The following ALK variants were observed in gnomAD, a reference collection of about 807,000 sequenced individuals.
ALK encodes the protein ALK receptor tyrosine kinase, also known as ALK tyrosine kinase receptor.
A neutral mutation model predicts 163.1 loss-of-function variants in ALK; 74 were observed. That is an observed-to-expected ratio of 0.45 (90% confidence interval 0.38 to 0.55). The LOEUF is 0.55. Among genes scored for constraint, ALK ranks in the 20% least tolerant of loss-of-function variants. The pLI is 0.00. For missense variants in ALK, 2,063 were observed against 2,105.3 expected, an observed-to-expected ratio of 0.98 and a Z score of 0.39; for synonymous variants, 960 against 843.2, an observed-to-expected ratio of 1.14 and a Z score of -2.40.
intron 1 of ALK, among the ~76,000 whole-genome samples, chr2:29,836,094 C>T (rs1484045888): frequency 6.6e-6 from 1 of 152,152 alleles, no homozygotes; most frequent in Non-Finnish European, 1.5e-5. Flanking sequence ...CAGCTTCTTC[C>T]CTTCCCCATC....
intron 4 of ALK, among the ~76,000 whole-genome samples, chr2:29,452,119 A>ACT (rs1489091903): frequency 2.6e-5 from 4 of 151,840 alleles, no homozygotes; most frequent in Non-Finnish European, 5.9e-5. Context: ...AAACGTCCCC[A>ACT]CTCTCTACCC....
At chr2:29,648,782 A>G (rs1285640535) in intron 3 of ALK, among the ~76,000 whole-genome samples, 1 of 151,874 alleles carries the variant, frequency 6.6e-6, no homozygotes, top group Non-Finnish European at 1.5e-5. Context: ...ATGTTTTCCT[A>G]TTCTTTGTTT....
At chr2:29,764,988 A>T (rs1680817659) in intron 1 of ALK, among the ~76,000 whole-genome samples, 1 of 152,010 alleles carries the variant, frequency 6.6e-6, no homozygotes, top group Non-Finnish European at 1.5e-5. Context: ...GTGGTTTAGA[A>T]AGGTGGGTGG....
At chr2:29,686,770 T>A (rs1678253425) in intron 3 of ALK, among the ~76,000 whole-genome samples, 1 of 152,168 alleles carries the variant, frequency 6.6e-6, no homozygotes, top group African/African-American at 2.4e-5. Flanking sequence ...CCTGTCCTGA[T>A]GGGGAGGTGA....
At chr2:29,558,362 T>G (rs974427302) in intron 3 of ALK, among the ~76,000 whole-genome samples, 1 of 152,208 alleles carries the variant, frequency 6.6e-6, no homozygotes, top group African/African-American at 2.4e-5. Flanking sequence ...TGGAGCTTTG[T>G]GGCTTTTTGT....
At position 29,450,102 on chromosome 2, in the gene ALK, TC is replaced by T. The variant is rs141871022; in HGVS notation, c.1155-66244del. ...CCTGCTCCCTCCTTGACAGTAGGGC[TC>T]CTGTGACCGCAGGGAAAGAACATCA... On this transcript the variant is annotated intron_variant, in intron 4 of 28. Coordinates refer to ENST00000389048, the MANE Select transcript of ALK (RefSeq NM_004304.5). Among the ~76,000 whole-genome samples, 1,169 of 152,270 alleles carry T rather than the reference TC, an allele frequency of 7.7e-3. 12 individuals carry two copies. The highest frequency in any genetic ancestry group is 0.027 in the African/African-American group (1,107 of 41,554).
At chr2:29,785,173 A>G (rs1663975739) in intron 1 of ALK, among the ~76,000 whole-genome samples, 2 of 152,056 alleles carry the variant, frequency 1.3e-5, no homozygotes. Context: ...CCTGCCTCTA[A>G]GCACTGCTGA....
At chr2:29,300,698 T>C (rs773019989) in intron 8 of ALK, among the ~76,000 whole-genome samples, 6 of 152,148 alleles carry the variant, frequency 3.9e-5, no homozygotes, top group Non-Finnish European at 7.3e-5. Context: ...GGACATTTGT[T>C]ACATCCAGAG....
At chr2:29,201,853 T>A (rs1227704214) in intron 26 of ALK, among the ~76,000 whole-genome samples, 1 of 151,880 alleles carries the variant, frequency 6.6e-6, no homozygotes. Flanking sequence ...GCCACATCGC[T>A]CTCCTGTTTC....
intron 1 of ALK, among the ~76,000 whole-genome samples, chr2:29,812,350 C>A (rs1455734743): frequency 9.2e-5 from 14 of 151,786 alleles, no homozygotes; most frequent in Non-Finnish European, 1.5e-5. Flanking sequence ...GCATAAATAC[C>A]CCCGCCATCA....
intron 9 of ALK, among the ~76,000 whole-genome samples, chr2:29,293,950 G>A (rs561832079): frequency 6.0e-4 from 91 of 152,296 alleles, no homozygotes; most frequent in African/African-American, 2.1e-3. Flanking sequence ...GAACCTGGGA[G>A]CAGAGGTGAT....
At chr2:29,361,727 C>G (rs1411112449) in intron 5 of ALK, among the ~76,000 whole-genome samples, 1 of 152,164 alleles carries the variant, frequency 6.6e-6, no homozygotes, top group Admixed American at 6.5e-5. Flanking sequence ...CCCAGGACTT[C>G]TGCTTTGGGC....
chr2:29,903,040 G>A (rs1418791711), intron 1 of ALK, among the ~76,000 whole-genome samples: 1 of 152,164 alleles, frequency 6.6e-6, no homozygotes, highest in Non-Finnish European at 1.5e-5. Context: ...ACTAACTGAT[G>A]ATGGTGTCAA....
At chr2:29,834,843 C>G (rs1665515172) in intron 1 of ALK, among the ~76,000 whole-genome samples, 1 of 152,204 alleles carries the variant, frequency 6.6e-6, no homozygotes, top group Non-Finnish European at 1.5e-5. Context: ...GCCTTCAGCA[C>G]TAACAGTACC....
At chr2:29,507,562 A>G (rs1303302803) in intron 4 of ALK, among the ~76,000 whole-genome samples, 1 of 152,244 alleles carries the variant, frequency 6.6e-6, no homozygotes, top group Non-Finnish European at 1.5e-5. Context: ...TAAATAATTA[A>G]AAATGGAAAA....
intron 23 of ALK, among the ~76,000 whole-genome samples, chr2:29,216,971 C>CAT (rs1669638160): frequency 4.7e-5 from 3 of 64,266 alleles, no homozygotes; most frequent in South Asian, 5.7e-4. Flanking sequence ...GTGGTGTGTG[C>CAT]GTGGTGTGTG....
At chr2:29,744,559 T>C (rs1680156276) in intron 1 of ALK, among the ~76,000 whole-genome samples, 1 of 152,036 alleles carries the variant, frequency 6.6e-6, no homozygotes, top group African/African-American at 2.4e-5. Flanking sequence ...TGGTGGGTGA[T>C]TCTGACTTTT....
intron 1 of ALK, among the ~76,000 whole-genome samples, chr2:29,844,280 G>A (rs1356990551): frequency 6.6e-6 from 1 of 152,202 alleles, no homozygotes; most frequent in Admixed American, 6.5e-5. Context: ...CTGTTGCGTG[G>A]CTAGACCAGC....
intron 3 of ALK, among the ~76,000 whole-genome samples, chr2:29,588,470 A>G (rs1221386035): frequency 6.6e-6 from 1 of 152,098 alleles, no homozygotes; most frequent in Non-Finnish European, 1.5e-5. Context: ...ACATCAAGCG[A>G]TCCACCCTCC....
Sources: gnomAD v4.1 joint callset for allele counts (sites outside exome capture counted in the v4.1 genomes callset) on GRCh38, gnomAD v4.1.1 for gene constraint, MANE v1.5 for transcripts, NCBI Gene and HGNC (gene_info 2026-07-23, HGNC 2026-07-21) for gene names.